ZNF704: variants seen among roughly 807,000 people sequenced by gnomAD.
The protein encoded by ZNF704 is glucocorticoid induced gene 1.
In ZNF704, 10 loss-of-function variants were observed where a neutral mutation model predicts 44.7. That is an observed-to-expected ratio of 0.22 (90% CI 0.14 to 0.38). ZNF704 has a LOEUF of 0.38. Ranked by LOEUF, ZNF704 falls within the 10% of genes least tolerant of loss-of-function variation. The pLI is 1.00. For missense variants in ZNF704, 390 were observed against 545.5 expected (o/e 0.71, Z 2.84); for synonymous variants, 211 against 207.6 (o/e 1.02, Z -0.14).
chr8:80,793,050 TA>T (rs1563555225), intron 2 of ZNF704, among the ~76,000 whole-genome samples: 1 of 152,182 alleles, frequency 6.6e-6, no homozygotes, highest in Non-Finnish European at 1.5e-5. Flanking sequence ...TATAAATACA[TA>T]AAACAACCAA....
chr8:80,780,788 C>A (rs1026667368), intron 2 of ZNF704, among the ~76,000 whole-genome samples: 4 of 152,124 alleles, frequency 2.6e-5, no homozygotes, highest in African/African-American at 7.2e-5. Flanking sequence ...TTCCCTAGAC[C>A]CCCAAGAGGG....
intron 2 of ZNF704, among the ~76,000 whole-genome samples, chr8:80,784,319 T>C (rs2129720548): frequency 6.6e-6 from 1 of 152,306 alleles, no homozygotes; most frequent in East Asian, 1.9e-4. Flanking sequence ...TAAGAATATG[T>C]TTAGTTTTGT....
intron 2 of ZNF704, among the ~76,000 whole-genome samples, chr8:80,768,381 T>C (rs1386960291): frequency 6.6e-6 from 1 of 152,192 alleles, no homozygotes; most frequent in Non-Finnish European, 1.5e-5. Context: ...AAAATCAGCC[T>C]GCTTCCACCA....
upstream of ZNF704, among the ~76,000 whole-genome samples, chr8:80,879,335 G>A (rs906491587): frequency 2.0e-5 from 3 of 151,432 alleles, no homozygotes; most frequent in Non-Finnish European, 4.4e-5. Context: ...CTCCTGGGCT[G>A]AAGCTGTCCT....
chr8:80,742,806 A>G (rs1806783228), intron 2 of ZNF704, among the ~76,000 whole-genome samples: 1 of 152,056 alleles, frequency 6.6e-6, no homozygotes, highest in Admixed American at 6.5e-5. Context: ...AAGCAGTTAG[A>G]GCGGTTGTCG....
At chr8:80,756,779 C>A (rs1218272626) in intron 2 of ZNF704, among the ~76,000 whole-genome samples, 1 of 152,098 alleles carries the variant, frequency 6.6e-6, no homozygotes, top group African/African-American at 2.4e-5. Context: ...ATGCATTCAC[C>A]AAGTGATGAT....
At chr8:80,816,747 G>C (rs1037909004) in intron 2 of ZNF704, among the ~76,000 whole-genome samples, 5 of 152,180 alleles carry the variant, frequency 3.3e-5, no homozygotes, top group African/African-American at 1.2e-4. Flanking sequence ...AACAGTGCTT[G>C]CTCATGTGCT....
chr8:80,839,393 A>T (rs1383758463), intron 1 of ZNF704, among the ~76,000 whole-genome samples: 1 of 152,258 alleles, frequency 6.6e-6, no homozygotes, highest in Non-Finnish European at 1.5e-5. Context: ...AGGTGAAATT[A>T]AAAACTCAAG....
intron 2 of ZNF704, among the ~76,000 whole-genome samples, chr8:80,739,302 C>T (rs1328577797): frequency 6.6e-6 from 1 of 152,188 alleles, no homozygotes; most frequent in African/African-American, 2.4e-5. Flanking sequence ...ATATGTCCCA[C>T]ACTTGGTTAA....
intron 1 of ZNF704, among the ~76,000 whole-genome samples, chr8:80,845,481 C>A (rs1808753389): frequency 6.6e-6 from 1 of 152,162 alleles, no homozygotes; most frequent in Admixed American, 6.5e-5. Context: ...TATTCTGCAT[C>A]CCTCTGTTAA....
intron 2 of ZNF704, among the ~76,000 whole-genome samples, chr8:80,716,072 T>A (rs1819067715): frequency 6.7e-6 from 1 of 149,434 alleles, no homozygotes; most frequent in South Asian, 2.1e-4. Context: ...AAAGTGAGAC[T>A]CTGTCTCGAA....
intron 1 of ZNF704, among the ~76,000 whole-genome samples, chr8:80,829,781 T>A (rs1808438002): frequency 6.6e-6 from 1 of 152,154 alleles, no homozygotes; most frequent in Non-Finnish European, 1.5e-5. Flanking sequence ...AAAAAATTAA[T>A]CTCTCAATAG....
chr8:80,838,671 T>TGGAGGA (rs143628593), intron 1 of ZNF704, among the ~76,000 whole-genome samples: 27 of 124,934 alleles, frequency 2.2e-4, no homozygotes, highest in African/African-American at 4.7e-4. Context: ...AAGCAGAACC[T>TGGAGGA]GGAGGAGGAG....
chr8:80,870,190 A>T (rs765344094), intron 1 of ZNF704, among the ~76,000 whole-genome samples: 232 of 152,270 alleles, frequency 1.5e-3, no homozygotes, highest in Non-Finnish European at 1.9e-3. Context: ...GCAAAAAAAA[A>T]TTTGTAGTAA....
intron 2 of ZNF704, among the ~76,000 whole-genome samples, chr8:80,758,603 A>G (rs1303608058): frequency 1.3e-5 from 2 of 152,230 alleles, no homozygotes; most frequent in Non-Finnish European, 1.5e-5. Flanking sequence ...ATAATAAAAT[A>G]GCTAATACTT....
At chr8:80,718,646 C>T (rs1158682655) in intron 2 of ZNF704, among the ~76,000 whole-genome samples, 1 of 152,076 alleles carries the variant, frequency 6.6e-6, no homozygotes, top group African/African-American at 2.4e-5. Context: ...AGGAGTGAAC[C>T]TAAACCCAAA....
At chr8:80,824,286 G>A (rs990183419) in intron 1 of ZNF704, among the ~76,000 whole-genome samples, 12 of 152,168 alleles carry the variant, frequency 7.9e-5, no homozygotes, top group African/African-American at 2.9e-4. Context: ...GCATGCACAA[G>A]CTTCAGTAGC....
chr8:80,707,597 C>CT (rs1258242213), intron 2 of ZNF704, among the ~76,000 whole-genome samples: 1 of 152,190 alleles, frequency 6.6e-6, no homozygotes, highest in Non-Finnish European at 1.5e-5. Flanking sequence ...CTTCATTAAT[C>CT]TTTTTGTCTA....
intron 2 of ZNF704, among the ~76,000 whole-genome samples, chr8:80,796,359 A>AATCCACTAATAGGTTAACCCATTC (rs1418164987): frequency 4.6e-5 from 7 of 152,170 alleles, no homozygotes; most frequent in Admixed American, 1.3e-4. Flanking sequence ...TTAACCCATT[A>AATCCACTAATAGGTTAACCCATTC]ATCCACTAAT....
Sources: gnomAD v4.1 joint callset for allele counts (sites outside exome capture counted in the v4.1 genomes callset) on GRCh38, gnomAD v4.1.1 for gene constraint, MANE v1.5 for transcripts, NCBI Gene and HGNC (gene_info 2026-07-23, HGNC 2026-07-21) for gene names.